The following PALM2AKAP2 variants were observed in gnomAD, a reference collection of about 807,000 sequenced individuals.
PALM2AKAP2 encodes PALM2 and AKAP2 fusion.
A neutral mutation model predicts 71.5 loss-of-function variants in PALM2AKAP2; 37 were observed. That is an observed-to-expected ratio of 0.52 (90% CI 0.40 to 0.68). The LOEUF (loss-of-function observed/expected upper bound fraction) is 0.68, where lower values mean the gene tolerates loss of function less well. Among genes scored for constraint, PALM2AKAP2 ranks in the 30% least tolerant of loss-of-function variants. The pLI is 0.00. For missense variants in PALM2AKAP2, 1,224 were observed against 1,191.8 expected, an observed-to-expected ratio of 1.03 and a Z score of -0.40; for synonymous variants, 468 against 478.8, an observed-to-expected ratio of 0.98 and a Z score of 0.29.
At chr9:109,943,567 A>AT (rs879192336) in intron 6 of PALM2AKAP2, 87 of 1,228,208 alleles carry the variant, frequency 7.1e-5, no homozygotes, top group Middle Eastern at 2.8e-4. Context: ...GATCTCTCTC[A>AT]TTTTTTTTCC....
intron 1 of PALM2AKAP2, among the ~76,000 whole-genome samples, chr9:110,107,568 T>C (rs970010984): frequency 1.3e-5 from 2 of 151,494 alleles, no homozygotes; most frequent in Non-Finnish European, 3.0e-5. Context: ...GAACCTCTAA[T>C]TTTTTTTTAG....
At chr9:110,090,354 C>T (rs558562144) in intron 1 of PALM2AKAP2, 2 of 456,642 alleles carry the variant, frequency 4.4e-6, no homozygotes, top group South Asian at 1.5e-5. Flanking sequence ...TTCTGAAGAT[C>T]AGATATAACT....
rs138686952 is a variant in PALM2AKAP2 at position 110,096,326 on chromosome 9, G to C, written c.157-39801G>C. ...TTGCCCAGGTTGGAGTACAGTAGCA[G>C]GTTCATATGTCACTGTAGCTTCAAC... On this transcript the variant is annotated intron_variant, in intron 1 of 3. Coordinates refer to ENST00000374525, the Ensembl canonical transcript of PALM2AKAP2. 2.6e-3 allele frequency among the ~76,000 whole-genome samples: 394 copies of C among 151,846 alleles called. 3 individuals are homozygous for C. In the Middle Eastern group the frequency reaches 0.034, roughly 13 times the overall value.
chr9:110,161,700 A>C (rs1836602941), intron 3 of PALM2AKAP2, among the ~76,000 whole-genome samples: 1 of 152,160 alleles, frequency 6.6e-6, no homozygotes, highest in South Asian at 2.1e-4. Flanking sequence ...GGTTCAGAGA[A>C]GCCTACGGGA....
intron 1 of PALM2AKAP2, among the ~76,000 whole-genome samples, chr9:109,673,821 T>C (rs1221626232): frequency 1.3e-5 from 2 of 152,138 alleles, no homozygotes; most frequent in African/African-American, 2.4e-5. Flanking sequence ...TTACATTATC[T>C]TGTTGAATTG....
chr9:109,719,331 A>G (rs919783660), intron 1 of PALM2AKAP2, among the ~76,000 whole-genome samples: 1 of 152,172 alleles, frequency 6.6e-6, no homozygotes. Context: ...CTGAGAGTCT[A>G]CTTCCAGTTT....
At chr9:110,145,664 T>C (rs566300312) in intron 2 of PALM2AKAP2, among the ~76,000 whole-genome samples, 5 of 151,994 alleles carry the variant, frequency 3.3e-5, no homozygotes, top group Non-Finnish European at 7.4e-5. Flanking sequence ...TTCCCTGTGT[T>C]CTCTTTATCT....
At chr9:110,132,764 C>T (rs1234079841) in intron 1 of PALM2AKAP2, among the ~76,000 whole-genome samples, 3 of 152,068 alleles carry the variant, frequency 2.0e-5, no homozygotes, top group East Asian at 3.9e-4. Context: ...CACCAACCAC[C>T]ATGCCTGGCT....
chr9:110,064,773 G>A (rs574298261), intron 1 of PALM2AKAP2, among the ~76,000 whole-genome samples: 3 of 152,098 alleles, frequency 2.0e-5, no homozygotes, highest in Non-Finnish European at 4.4e-5. Flanking sequence ...AGGTGGAAAC[G>A]ACCCCTCATT....
At chr9:109,875,309 T>A (rs1161739459) in intron 2 of PALM2AKAP2, among the ~76,000 whole-genome samples, 1 of 152,220 alleles carries the variant, frequency 6.6e-6, no homozygotes, top group Non-Finnish European at 1.5e-5. Flanking sequence ...CCCTGGTCCC[T>A]CTTTGTCACA....
chr9:109,727,323 G>T (rs1828491091), intron 1 of PALM2AKAP2, among the ~76,000 whole-genome samples: 1 of 152,132 alleles, frequency 6.6e-6, no homozygotes, highest in African/African-American at 2.4e-5. Context: ...TTATATTCAT[G>T]ATTGGTCTGA....
intron 7 of PALM2AKAP2, among the ~76,000 whole-genome samples, chr9:110,032,056 C>CG (rs1223198095): frequency 2.6e-4 from 27 of 103,254 alleles, no homozygotes; most frequent in Middle Eastern, 5.4e-3. Flanking sequence ...GCTTAGCTTA[C>CG]GGGGAAAAAA....
intron 1 of PALM2AKAP2, among the ~76,000 whole-genome samples, chr9:110,089,094 GT>G (rs1375660236): frequency 1.5e-4 from 23 of 152,262 alleles, no homozygotes; most frequent in Admixed American, 1.3e-3. Flanking sequence ...ATTTCAAGTA[GT>G]CAGTAACCAG....
chr9:109,837,179 C>T (rs1260704247), intron 1 of PALM2AKAP2, among the ~76,000 whole-genome samples: 1 of 152,212 alleles, frequency 6.6e-6, no homozygotes, highest in African/African-American at 2.4e-5. Flanking sequence ...CAGTGGATCT[C>T]TCTGCAGAAA....
chr9:110,167,147 T>G (rs953845415), intron 3 of PALM2AKAP2, among the ~76,000 whole-genome samples: 1 of 152,164 alleles, frequency 6.6e-6, no homozygotes, highest in Non-Finnish European at 1.5e-5. Flanking sequence ...CCACATTGAA[T>G]TACCTCCTAT....
At chr9:109,986,720 T>G (rs1832385425) in intron 6 of PALM2AKAP2, among the ~76,000 whole-genome samples, 1 of 152,252 alleles carries the variant, frequency 6.6e-6, no homozygotes, top group Non-Finnish European at 1.5e-5. Flanking sequence ...ATTCTTGCCT[T>G]TCTTTTCCTT....
At chr9:109,727,640 C>G (rs1828495395) in intron 1 of PALM2AKAP2, among the ~76,000 whole-genome samples, 1 of 152,130 alleles carries the variant, frequency 6.6e-6, no homozygotes, top group African/African-American at 2.4e-5. Context: ...TTACTAGAGG[C>G]AAAATGAATA....
Position 109,826,047 on chromosome 9 carries a change from G to A in PALM2AKAP2, c.46-41444G>A, listed in dbSNP as rs370229557. Among the ~76,000 whole-genome samples the A allele has an allele frequency of 6.6e-5, 10 of 152,192 alleles. No individual in the cohort carries two copies. The South Asian group carries it at 1.7e-3, about 25-fold the overall frequency. On this transcript the variant is annotated intron_variant, in intron 1 of 9. Transcript: ENST00000302798. ...TACTATGCAGCCATAAAAAAGGATG[G>A]GTTCATGTCCTTTGTAGGGACATGG...
At chr9:109,946,218 T>A (rs993338742) in intron 6 of PALM2AKAP2, 7 of 152,218 alleles carry the variant, frequency 4.6e-5, no homozygotes, top group African/African-American at 1.4e-4. Context: ...ATTATGAACA[T>A]GCTGCCTTTC....
Sources: allele counts gnomAD v4.1 joint callset (sites outside exome capture counted in the v4.1 genomes callset), GRCh38; gene constraint gnomAD v4.1.1; transcripts MANE v1.5; gene names NCBI Gene and HGNC (gene_info 2026-07-23, HGNC 2026-07-21).